The following KATNIP variants were observed in gnomAD, a reference collection of about 807,000 sequenced individuals.
The protein encoded by KATNIP is katanin-interacting protein.
KATNIP carries 126 observed loss-of-function variants against 174.0 expected under a neutral mutation model. The ratio of observed to expected loss-of-function variants is 0.72; its 90% CI spans 0.63 to 0.84. The LOEUF is 0.84. Among genes scored for constraint, KATNIP ranks in the 40% least tolerant of loss-of-function variants. The pLI, the probability that KATNIP is intolerant of heterozygous loss-of-function variation, is 0.00. For missense variants in KATNIP, 1,958 were observed against 2,109.7 expected, an observed-to-expected ratio of 0.93 and a Z score of 1.41; for synonymous variants, 810 against 835.7, an observed-to-expected ratio of 0.97 and a Z score of 0.53.
At chr16:27,574,696 C>T (rs1338412228) in intron 2 of KATNIP, among the ~76,000 whole-genome samples, 2 of 150,732 alleles carry the variant, frequency 1.3e-5, no homozygotes, top group African/African-American at 4.9e-5. Flanking sequence ...TCCCAAGTAG[C>T]TGGAATTACA....
Position 27,566,493 on chromosome 16 carries a change from G to A in KATNIP, c.8-7408G>A, listed in dbSNP as rs142768778. 3.1e-4 allele frequency among the ~76,000 whole-genome samples: 47 copies of A among 151,030 alleles called. 1 individual carries two copies. The highest frequency in any genetic ancestry group is 8.5e-4 in the African/African-American group (35 of 41,046). ...GGAGGTTGCAGTGAGCCAAGATTGTGCCACTGCACTCCAGCCCCAGGCGAC... is the reference window on the plus strand; with the variant it reads ...GGAGGTTGCAGTGAGCCAAGATTGTACCACTGCACTCCAGCCCCAGGCGAC... On this transcript the variant is annotated intron_variant, in intron 1 of 27. Transcript: ENST00000261588.
Position 27,740,695 on chromosome 16 carries a change from G to A in KATNIP, c.2398G>A (p.Glu800Lys), listed in dbSNP as rs762818366. 1 of 1,614,082 alleles carries A rather than the reference G, an allele frequency of 6.2e-7. No individual in the cohort carries two copies. The change falls in exon 15 of 28, where the codon GAG (glutamate) becomes AAG (lysine). Residue 800 changes from glutamate (E) to lysine (K), a missense_variant. Coordinates refer to ENST00000261588, the MANE Select transcript of KATNIP (RefSeq NM_015202.5). Reference sequence around the variant, plus strand: ...CGATGTCATCGGTGAGGGTCCTGGAGAGACCGAGGCCAGGGATAAAGGCCT... The same window carrying A: ...CGATGTCATCGGTGAGGGTCCTGGAAAGACCGAGGCCAGGGATAAAGGCCT... ...SDDVIGEGPG[E>K]TEARDKGLRH... is the part of the protein sequence containing the mutation.
At chr16:27,588,089 G>A (rs895012019) in intron 2 of KATNIP, among the ~76,000 whole-genome samples, 1 of 151,502 alleles carries the variant, frequency 6.6e-6, no homozygotes, top group African/African-American at 2.4e-5. Flanking sequence ...ACAGGATCTC[G>A]CCATTTTGCC....
intron 7 of KATNIP, among the ~76,000 whole-genome samples, chr16:27,680,996 A>G (rs998004898): frequency 1.3e-5 from 2 of 152,010 alleles, no homozygotes; most frequent in Non-Finnish European, 1.5e-5. Flanking sequence ...TACCCAGCCT[A>G]TTTTGTTCAT....
chr16:27,727,253 A>T, intron 14 of KATNIP: 1 of 218,386 alleles, frequency 4.6e-6, no homozygotes. Context: ...CAGTGGCGTG[A>T]TCATGGCTCA....
At chr16:27,748,311 T>G (rs2081367835) in intron 15 of KATNIP, among the ~76,000 whole-genome samples, 1 of 152,218 alleles carries the variant, frequency 6.6e-6, no homozygotes. Context: ...CTGGGCGCGG[T>G]GGCTTACGCC....
intron 8 of KATNIP, among the ~76,000 whole-genome samples, chr16:27,695,037 G>C (rs968993049): frequency 3.9e-5 from 6 of 152,138 alleles, no homozygotes; most frequent in Admixed American, 3.9e-4. Flanking sequence ...GGAGTCACCT[G>C]TAACTCCTCT....
intron 2 of KATNIP, among the ~76,000 whole-genome samples, chr16:27,593,704 A>AT (rs1172161880): frequency 6.6e-6 from 1 of 151,958 alleles, no homozygotes; most frequent in Admixed American, 6.6e-5. Context: ...AACTTATTTT[A>AT]TTTTTTTGTA....
At position 27,775,017 on chromosome 16, in the gene KATNIP, T is replaced by A; in HGVS notation, c.4382T>A (p.Leu1461His). The A allele has an allele frequency of 6.2e-7, 1 of 1,613,624 alleles. No homozygotes were observed. The highest frequency in any genetic ancestry group is 8.5e-7 in the Non-Finnish European group (1 of 1,179,874). The change falls in exon 24 of 28, where the codon CTC becomes CAC. Residue 1461 changes from leucine to histidine, a missense_variant. Leu to His is a moderately conservative substitution (Grantham distance 99). Transcript: ENST00000261588. ...VGGDVRTPDKLIDQVNDTSDG... is the reference protein window; with the variant it reads ...VGGDVRTPDKHIDQVNDTSDG... Reference sequence around the variant, plus strand: ...GGGGACGTCCGCACCCCAGACAAGCTCATCGACCAAGTGAACGACACCAGT... The same window carrying A: ...GGGGACGTCCGCACCCCAGACAAGCACATCGACCAAGTGAACGACACCAGT...
chr16:27,626,360 T>C (rs2076333837), intron 3 of KATNIP, among the ~76,000 whole-genome samples: 1 of 152,204 alleles, frequency 6.6e-6, no homozygotes, highest in African/African-American at 2.4e-5. Context: ...CCAGAGTTCA[T>C]ATGCTTAGGA....
At chr16:27,729,816 G>A (rs1239440725) in intron 14 of KATNIP, among the ~76,000 whole-genome samples, 1 of 152,130 alleles carries the variant, frequency 6.6e-6, no homozygotes, top group Non-Finnish European at 1.5e-5. Flanking sequence ...TCACTGTCAG[G>A]CATCTCTGAG....
intron 1 of KATNIP, among the ~76,000 whole-genome samples, chr16:27,559,401 G>T (rs1419299832): frequency 6.6e-6 from 1 of 152,118 alleles, no homozygotes; most frequent in East Asian, 1.9e-4. Flanking sequence ...GTGATTTCAG[G>T]CCAGGCATGG....
chr16:27,697,394 T>C (rs1033950798), intron 8 of KATNIP, among the ~76,000 whole-genome samples: 1 of 152,140 alleles, frequency 6.6e-6, no homozygotes, highest in Non-Finnish European at 1.5e-5. Flanking sequence ...GATTTGCTTT[T>C]CTCTAATGAT....
intron 16 of KATNIP, 32 bp from the exon 17 acceptor site, chr16:27,751,687 T>C: frequency 6.2e-7 from 1 of 1,604,506 alleles, no homozygotes; most frequent in Non-Finnish European, 8.5e-7. Context: ...GTGAAGTGAG[T>C]TGACCTTTCT....
intron 2 of KATNIP, among the ~76,000 whole-genome samples, chr16:27,612,027 A>G (rs2075906450): frequency 6.6e-6 from 1 of 152,082 alleles, no homozygotes; most frequent in South Asian, 2.1e-4. Flanking sequence ...TTTCTGGAAA[A>G]GGGAATAGGA....
chr16:27,712,542 G>T (rs2143004791), intron 13 of KATNIP, among the ~76,000 whole-genome samples: 1 of 152,324 alleles, frequency 6.6e-6, no homozygotes, highest in African/African-American at 2.4e-5. Context: ...GTACCTAGAA[G>T]CGGAGGCTGG....
intron 14 of KATNIP, among the ~76,000 whole-genome samples, chr16:27,725,962 T>A (rs974835826): frequency 7.9e-5 from 12 of 152,238 alleles, no homozygotes; most frequent in African/African-American, 2.9e-4. Flanking sequence ...CTGTGACATG[T>A]CATGTGGTCT....
intron 17 of KATNIP, among the ~76,000 whole-genome samples, chr16:27,753,210 A>T (rs1290854025): frequency 5.3e-5 from 8 of 151,790 alleles, no homozygotes; most frequent in Non-Finnish European, 2.9e-5. Flanking sequence ...CCTGATTTTT[A>T]CAAGAGAAGC....
At chr16:27,575,698 C>T (rs902735307) in intron 2 of KATNIP, among the ~76,000 whole-genome samples, 3 of 152,060 alleles carry the variant, frequency 2.0e-5, no homozygotes, top group African/African-American at 7.2e-5. Context: ...GTGTGAGTTA[C>T]ATGACCTTCA....
Sources: gnomAD v4.1 joint callset for allele counts (sites outside exome capture counted in the v4.1 genomes callset) on GRCh38, gnomAD v4.1.1 for gene constraint, MANE v1.5 for transcripts, NCBI Gene and HGNC (gene_info 2026-07-23, HGNC 2026-07-21) for gene names.